Variants in TRRAP observed in about 807,000 individuals in gnomAD.
The protein encoded by TRRAP is transformation/transcription domain-associated protein.
TRRAP carries 41 observed loss-of-function variants against 438.8 expected under a neutral mutation model. The observed-to-expected ratio is 0.09, with a 90% CI of 0.07 to 0.12. The LOEUF is 0.12. Ranked by LOEUF, TRRAP falls within the 10% of genes least tolerant of loss-of-function variation. The pLI, the probability that TRRAP is intolerant of heterozygous loss-of-function variation, is 1.00. For synonymous variants in TRRAP, 1,994 were observed against 1,962.9 expected (o/e 1.02, Z -0.42); for missense variants, 3,122 against 5,055.1 (o/e 0.62, Z 11.60).
chr7:98,947,673 C>G (rs1340305724), intron 33 of TRRAP, among the ~76,000 whole-genome samples: 1 of 152,172 alleles, frequency 6.6e-6, no homozygotes, highest in Non-Finnish European at 1.5e-5. Context: ...CCAGGCTGGT[C>G]TCGAACTCCT....
intron 59 of TRRAP, 124 bp from the exon 60 acceptor site, chr7:98,983,140 C>A: frequency 2.2e-6 from 2 of 896,414 alleles, no homozygotes; most frequent in Non-Finnish European, 3.4e-6. Context: ...AATGAGAGTG[C>A]TTCCTTTGGT....
rs782483325 is a variant in TRRAP at position 98,948,306 on chromosome 7, T to C, written c.4634T>C (p.Val1545Ala). The change falls in exon 34 of 73, where the codon GTT (valine) becomes GCT (alanine). Residue 1545 changes from valine (V) to alanine (A), a missense_variant. By Grantham distance (64) the Val-to-Ala change is moderately conservative. Coordinates refer to ENST00000456197, the MANE Select transcript of TRRAP (RefSeq NM_001375524.1). The surrounding 1 kb of genome is among the most constrained non-coding windows in gnomAD (Gnocchi z 4.9). Reference sequence around the variant, plus strand: ...ACACTGGTGAAGCCTTTGCTAGAGGTTGTCATGAAAACGGAGCGGGCGATG... The same window carrying C: ...ACACTGGTGAAGCCTTTGCTAGAGGCTGTCATGAAAACGGAGCGGGCGATG... ...PQTLVKPLLEVVMKTERAMLI... is the reference protein window; with the variant it reads ...PQTLVKPLLEAVMKTERAMLI... 6.2e-7 allele frequency: 1 copy of C among 1,614,168 alleles called. No individual in the cohort carries two copies. Among genetic ancestry groups the C allele is most frequent in the Non-Finnish European group, 8.5e-7 (1 of 1,180,028 alleles).
rs782416350 is a variant in TRRAP, at chr7:98,906,239, G to A, written c.1099G>A (p.Ala367Thr). 1 of 1,613,772 alleles carries A rather than the reference G, an allele frequency of 6.2e-7. No homozygotes were observed. The highest frequency in any genetic ancestry group is 2.2e-5 in the East Asian group (1 of 44,862). ...CATACTAATTGGCTCAGGATATACTGCCAGAGAGACTCTAAGGTATGAGAT... is the reference window on the plus strand; with the variant it reads ...CATACTAATTGGCTCAGGATATACTACCAGAGAGACTCTAAGGTATGAGAT... The part of the protein sequence containing the change: ...ESILIGSGYT[A>T]RETLRPLAYS... Residue 367 changes from alanine to threonine, a missense_variant, in exon 13 of 73, where the codon GCC (alanine) becomes ACC (threonine). Physicochemically the swap from Ala to Thr is moderately conservative, Grantham distance 58. Coordinates refer to ENST00000456197, the MANE Select transcript of TRRAP (RefSeq NM_001375524.1).
chr7:98,944,053 C>T (rs1790926704), intron 31 of TRRAP, among the ~76,000 whole-genome samples: 2 of 152,170 alleles, frequency 1.3e-5, no homozygotes, highest in African/African-American at 4.8e-5. Flanking sequence ...ATATGCCACG[C>T]ATGACCCTGT....
intron 33 of TRRAP, among the ~76,000 whole-genome samples, chr7:98,947,819 G>A (rs184020150): frequency 1.6e-4 from 24 of 152,306 alleles, no homozygotes; most frequent in African/African-American, 4.8e-4. Context: ...AGAGGACCTC[G>A]TGATACCTTG....
intron 60 of TRRAP, 131 bp from the exon 61 acceptor site, chr7:98,983,962 A>G: frequency 8.5e-7 from 1 of 1,180,762 alleles, no homozygotes; most frequent in Non-Finnish European, 1.1e-6. Flanking sequence ...CAAAGTAACG[A>G]GGGTTTATCA....
chr7:98,902,976 G>A (rs906172167), intron 11 of TRRAP, among the ~76,000 whole-genome samples: 1 of 151,918 alleles, frequency 6.6e-6, no homozygotes, highest in African/African-American at 2.4e-5. Flanking sequence ...ACTGAGGTGG[G>A]AGGATGGCGT....
chr7:98,899,438 G>A lies in TRRAP; in HGVS notation c.650G>A (p.Arg217Lys). ...SETRTHSIIP[R>K]GSLSLKVLAE... ...GTCTTCCAGCATTCCATCATTCCGA[G>A]GGGATCACTTTCTCTGAAAGTGTTG... Residue 217 changes from arginine (R) to lysine (K), a missense_variant, in exon 9 of 73, where the codon AGG (arginine) becomes AAG (lysine). Physicochemically the swap from Arg to Lys is conservative, Grantham distance 26 (BLOSUM62 2). This residue lies in a region of TRRAP where 343 missense variants were observed against 564.0 expected (regional missense o/e 0.61). Transcript: ENST00000456197. 1 of 1,614,126 alleles carries A rather than the reference G, an allele frequency of 6.2e-7. No individual in the cohort carries two copies. The highest frequency in any genetic ancestry group is 8.5e-7 in the Non-Finnish European group (1 of 1,180,028).
rs1056124641 is a variant in TRRAP, at chr7:98,999,404, A to G, written c.10309+4556A>G. The G allele has an allele frequency of 1.1e-4, 132 of 1,210,004 alleles. No individual in the cohort carries two copies. The Middle Eastern group carries it at 1.6e-3, about 14-fold the overall frequency. 75.0% of individuals were successfully genotyped at this position (1,210,004 alleles called of 1,614,324 possible). A position where few individuals can be genotyped will look rare whatever the true frequency, so the allele number is the denominator to read the frequency against. On this transcript the variant is annotated intron_variant, in intron 67 of 72. Transcript: ENST00000456197. The stretch of plus-strand genomic sequence containing the variant: ...CATCCACAATTTCCTCTTGATCTAC[A>G]TGAGATCCAGCAGCTCCTCCAAAAT...
At chr7:98,897,905 G>A in intron 8 of TRRAP, 39 bp downstream of exon 8, 2 of 1,611,122 alleles carry the variant, frequency 1.2e-6, no homozygotes, top group East Asian at 2.2e-5. Flanking sequence ...CGTGGCTCCT[G>A]TAGTTTCGGA....
intron 33 of TRRAP, among the ~76,000 whole-genome samples, chr7:98,946,238 C>T (rs1554416782): frequency 1.3e-5 from 2 of 151,794 alleles, no homozygotes; most frequent in Non-Finnish European, 2.9e-5. Context: ...TTCGTAACCT[C>T]TATCTGAATA....
chr7:98,895,707 A>G, intron 6 of TRRAP, 57 bp from the exon 7 acceptor site: 3 of 1,407,354 alleles, frequency 2.1e-6, no homozygotes, highest in Non-Finnish European at 1.9e-6. Flanking sequence ...CTTATTTATT[A>G]TGGGTATTTT....
intron 67 of TRRAP, among the ~76,000 whole-genome samples, chr7:99,000,616 C>T (rs556648288): frequency 2.6e-5 from 4 of 152,380 alleles, no homozygotes; most frequent in African/African-American, 4.8e-5. Context: ...ACTCGCCAGC[C>T]GGCGTCACTT....
intron 2 of TRRAP, 87 bp from the exon 3 acceptor site, chr7:98,881,888 C>A: frequency 6.9e-7 from 1 of 1,439,138 alleles, no homozygotes; most frequent in Non-Finnish European, 9.6e-7. Flanking sequence ...CTGATTGCTT[C>A]TCTTAAATTA....
intron 44 of TRRAP, among the ~76,000 whole-genome samples, 188 bp from the exon 45 acceptor site, chr7:98,959,156 G>A (rs1434087698): frequency 6.6e-6 from 1 of 152,082 alleles, no homozygotes; most frequent in African/African-American, 2.4e-5. Flanking sequence ...GGGGCCGTGA[G>A]GGGTCATGAG....
At chr7:98,985,234 A>C (rs113599091) in intron 62 of TRRAP, among the ~76,000 whole-genome samples, 190 bp downstream of exon 62, 1 of 152,324 alleles carries the variant, frequency 6.6e-6, no homozygotes, top group African/African-American at 2.4e-5. Flanking sequence ...AGCCTATTTG[A>C]TGTGTAGTAT....
chr7:98,977,883 T>C (rs1159492054), intron 56 of TRRAP, among the ~76,000 whole-genome samples: 1 of 152,222 alleles, frequency 6.6e-6, no homozygotes, highest in African/African-American at 2.4e-5. Flanking sequence ...CTTCTGTCTC[T>C]GAACAGAGAG....
intron 59 of TRRAP, among the ~76,000 whole-genome samples, chr7:98,982,779 A>G (rs2116759665): frequency 6.6e-6 from 1 of 152,174 alleles, no homozygotes; most frequent in East Asian, 1.9e-4. Flanking sequence ...TTTACATTTT[A>G]TGGGTCCAAA....
chr7:98,931,517 A>T lies in TRRAP; in HGVS notation c.3704A>T (p.Glu1235Val). The change falls in exon 26 of 73, where the codon GAA (glutamate) becomes GTA (valine). Residue 1235 changes from glutamate (E) to valine (V), a missense_variant. This residue lies in a region of TRRAP where 153 missense variants were observed against 223.0 expected (regional missense o/e 0.69). Coordinates refer to ENST00000456197, the MANE Select transcript of TRRAP (RefSeq NM_001375524.1). ...ERAEEIVAAQ[E>V]KSFHHVTHDL... ...GCCGAAGAGATCGTGGCCGCCCAGG[A>T]AAAGTCTTTCCACCATGTGACACAC... 6.2e-7 allele frequency: 1 copy of T among 1,614,144 alleles called. No homozygotes were observed. The highest frequency in any genetic ancestry group is 8.5e-7 in the Non-Finnish European group (1 of 1,179,996).
Sources: allele counts gnomAD v4.1 joint callset (sites outside exome capture counted in the v4.1 genomes callset), GRCh38; gene constraint gnomAD v4.1.1; regional missense constraint gnomAD v4.1.1; non-coding constraint Gnocchi (gnomAD v3.1); transcripts MANE v1.5; gene names NCBI Gene and HGNC (gene_info 2026-07-23, HGNC 2026-07-21).